The following SEC14L3 variants were observed in gnomAD, a reference collection of about 807,000 sequenced individuals.
The protein encoded by SEC14L3 is SEC14-like protein 3.
Under a neutral mutation model 57.4 loss-of-function variants are expected in SEC14L3, and 56 were observed. That is an observed-to-expected ratio of 0.97 (90% CI 0.79 to 1.22). SEC14L3 has a LOEUF of 1.22. SEC14L3 is among the 50% of genes most tolerant of loss of function. The pLI is 0.00. For missense variants in SEC14L3, 485 were observed against 511.7 expected (o/e 0.95, Z 0.50); for synonymous variants, 173 against 194.4 (o/e 0.89, Z 0.92).
chr22:30,470,735 T>C (rs2038884050), intron 1 of SEC14L3, 153 bp from the exon 2 acceptor site: 1 of 1,463,230 alleles, frequency 6.8e-7, no homozygotes, highest in Non-Finnish European at 9.1e-7. Context: ...GAAGGGCAGA[T>C]GGATCACTGG....
intron 9 of SEC14L3, 187 bp from the exon 10 acceptor site, chr22:30,461,881 G>T: frequency 2.0e-6 from 1 of 489,578 alleles, no homozygotes; most frequent in Non-Finnish European, 2.7e-6. Context: ...TCCCCTCCCA[G>T]CTCATCCCTC....
At chr22:30,458,285 G>C (rs1053039914), downstream of SEC14L3, among the ~76,000 whole-genome samples, 1 of 152,342 alleles carries the variant, frequency 6.6e-6, no homozygotes, top group Non-Finnish European at 1.5e-5. Context: ...CATGGTGAGC[G>C]TCAGGGGGTT....
chr22:30,461,889 C>A (rs974562686), intron 9 of SEC14L3, 195 bp from the exon 10 acceptor site: 8 of 485,186 alleles, frequency 1.6e-5, no homozygotes, highest in African/African-American at 1.5e-4. Context: ...CAGCTCATCC[C>A]TCTGGGTTAA....
Position 30,460,828 on chromosome 22 carries a change from CAAAAAAAAAAAAAA to C in SEC14L3, c.1081+468_1081+481del, listed in dbSNP as rs747778887. 6.5e-4 allele frequency among the ~76,000 whole-genome samples: 68 copies of C among 104,406 alleles called. 1 individual carries two copies. The South Asian group carries it at 0.022, about 33-fold the overall frequency. The allele number at this position is 104,406 out of a possible 152,430, so 68.5% of individuals were successfully genotyped here. ...GGACAACAAGAGTGAAACTCTGTCT[CAAAAAAAAAAAAAA>C]AAAAAAAAAGAGAAAAAACAGGCAT... is the stretch of plus-strand genomic sequence containing the variant. On this transcript the variant is annotated intron_variant, in intron 11 of 11. Transcript: ENST00000215812.
intron 11 of SEC14L3, among the ~76,000 whole-genome samples, chr22:30,461,057 A>G (rs1935239169): frequency 6.6e-6 from 1 of 152,064 alleles, no homozygotes; most frequent in Non-Finnish European, 1.5e-5. Flanking sequence ...CACCTGCCCT[A>G]TCACTTGTTG....
At chr22:30,451,190 C>T (rs905291926) in intron 12 of SEC14L3, among the ~76,000 whole-genome samples, 5 of 152,232 alleles carry the variant, frequency 3.3e-5, no homozygotes, top group South Asian at 2.1e-4. Flanking sequence ...GGACCTTTGG[C>T]GTGTGTGGGC....
intron 12 of SEC14L3, among the ~76,000 whole-genome samples, chr22:30,451,162 G>A (rs1470483385): frequency 5.3e-5 from 8 of 152,342 alleles, no homozygotes; most frequent in Admixed American, 3.3e-4. Context: ...GGGGCTGCCG[G>A]GGGTGGCGCT....
chr22:30,465,478 C>G (rs547869062), intron 7 of SEC14L3, among the ~76,000 whole-genome samples: 1 of 152,070 alleles, frequency 6.6e-6, no homozygotes, highest in Non-Finnish European at 1.5e-5. Context: ...AACCAGCCAG[C>G]CAACCATCCA....
chr22:30,449,317 AC>A (rs1934935196), intron 12 of SEC14L3: 1 of 1,533,440 alleles, frequency 6.5e-7, no homozygotes, highest in African/African-American at 1.4e-5. Context: ...CCAGAGGGTC[AC>A]CAATACTAAG....
downstream of SEC14L3, among the ~76,000 whole-genome samples, chr22:30,456,495 G>A (rs966209566): frequency 2.0e-5 from 3 of 152,032 alleles, no homozygotes; most frequent in Non-Finnish European, 4.4e-5. Context: ...GGGAGCCAGC[G>A]TGTCACATGG....
intron 12 of SEC14L3, among the ~76,000 whole-genome samples, chr22:30,449,521 A>C (rs1934938926): frequency 6.6e-6 from 1 of 151,222 alleles, no homozygotes; most frequent in South Asian, 2.1e-4. Flanking sequence ...AAGCTCCCCA[A>C]GGGTTCCAGT....
At position 30,467,167 on chromosome 22, in the gene SEC14L3, T is replaced by C. The variant is rs116196010; in HGVS notation, c.424-90A>G. 940 of 1,575,710 alleles carry C rather than the reference T, an allele frequency of 6.0e-4. 3 individuals carry two copies. The African/African-American group carries it at 0.011, about 19-fold the overall frequency. On this transcript the variant is annotated intron_variant, in intron 5 of 11. Transcript: ENST00000215812. ...AAGTACATGACCCCTTGGGGCTTCT[T>C]CTAGACCCCGACTCTGTCCTCAGAG...
At chr22:30,452,010 G>GAAAAAA (rs1226997169) in intron 12 of SEC14L3, among the ~76,000 whole-genome samples, 1 of 110,006 alleles carries the variant, frequency 9.1e-6, no homozygotes, top group Admixed American at 1.1e-4. Context: ...AAAAAAAAAA[G>GAAAAAA]AAAAAAGAAA....
At chr22:30,470,413 A>T in intron 2 of SEC14L3, 94 bp downstream of exon 2, 2 of 1,603,720 alleles carry the variant, frequency 1.2e-6, no homozygotes, top group Non-Finnish European at 1.7e-6. Context: ...GATTGTGTGG[A>T]TGGACCCTGA....
At chr22:30,467,245 CCA>C (rs1398736592) in intron 5 of SEC14L3, 168 bp from the exon 6 acceptor site, 4 of 347,246 alleles carry the variant, frequency 1.2e-5, no homozygotes, top group African/African-American at 6.7e-5. Flanking sequence ...ATCCATCCAT[CCA>C]CATCCATCCA....
chr22:30,454,038 C>G (rs905317321), intron 12 of SEC14L3, among the ~76,000 whole-genome samples: 1 of 152,056 alleles, frequency 6.6e-6, no homozygotes, highest in African/African-American at 2.4e-5. Context: ...TCAGCCATAC[C>G]CTTGCTTCCC....
intron 7 of SEC14L3, 101 bp from the exon 8 acceptor site, chr22:30,465,004 C>T: frequency 6.4e-7 from 1 of 1,550,832 alleles, no homozygotes; most frequent in South Asian, 1.2e-5. Context: ...CATGACTAAC[C>T]CTGGTCAATT....
At chr22:30,448,149 C>T (rs917019085) in exon 13 of SEC14L3, 2 of 152,094 alleles carry the variant, frequency 1.3e-5, no homozygotes, top group Non-Finnish European at 2.9e-5. Context: ...ACCACCACCC[C>T]AGGCCTGGGC....
chr22:30,454,540 A>ATATTATTATATATAATCTATAATAATAT (rs10677216), downstream of SEC14L3, among the ~76,000 whole-genome samples: 5 of 20,184 alleles, frequency 2.5e-4, no homozygotes, highest in African/African-American at 9.8e-4. Context: ...ATCTATAATA[A>ATATTATTATATATAATCTATAATAATAT]TATTATATAT....
Sources: gnomAD v4.1 joint callset for allele counts (sites outside exome capture counted in the v4.1 genomes callset) on GRCh38, gnomAD v4.1.1 for gene constraint, MANE v1.5 for transcripts, NCBI Gene and HGNC (gene_info 2026-07-23, HGNC 2026-07-21) for gene names.